Variants in RFX2 observed in about 807,000 individuals in gnomAD.
RFX2 encodes regulatory factor X2.
A neutral mutation model predicts 87.8 loss-of-function variants in RFX2; 20 were observed. The ratio of observed to expected loss-of-function variants is 0.23; its 90% CI spans 0.16 to 0.33. The LOEUF (loss-of-function observed/expected upper bound fraction) is 0.33. RFX2 is among the 10% of genes least tolerant of loss of function. RFX2 has a pLI of 1.00. For synonymous variants in RFX2, 397 were observed against 431.3 expected, an observed-to-expected ratio of 0.92 and a Z score of 0.98; for missense variants, 767 against 1,012.3, an observed-to-expected ratio of 0.76 and a Z score of 3.29.
Position 5,997,435 on chromosome 19 carries a change from G to A in RFX2, c.1860-222C>T. 2.0e-6 allele frequency: 1 copy of A among 507,444 alleles called. No homozygotes were observed. The highest frequency in any genetic ancestry group is 3.2e-5 in the East Asian group (1 of 30,914). The allele number at this position is 507,444 out of a possible 1,614,324, so 31.4% of individuals were successfully genotyped here. On this transcript the variant is annotated intron_variant, in intron 15 of 17. Coordinates refer to ENST00000303657, the MANE Select transcript of RFX2 (RefSeq NM_000635.4). The surrounding 1 kb of genome is among the most constrained non-coding windows in gnomAD (Gnocchi z 4.2). ...GGGCCGGCCTGCGCGCTCAGTTCCA[G>A]AGACCACCTGGGGAACAGGAGAGGG... is the stretch of plus-strand genomic sequence containing the variant.
chr19:5,995,092 T>C, intron 17 of RFX2, 142 bp from the exon 18 acceptor site: 1 of 677,920 alleles, frequency 1.5e-6, no homozygotes. Context: ...CACCTCGGCC[T>C]CTGCTCCAGG....
At chr19:6,062,688 T>C (rs937098488) in intron 1 of RFX2, among the ~76,000 whole-genome samples, 1 of 152,234 alleles carries the variant, frequency 6.6e-6, no homozygotes, top group Non-Finnish European at 1.5e-5. Context: ...CATGAACTGA[T>C]ACAGTCCCCG....
chr19:6,040,213 G>C lies in RFX2; in HGVS notation c.289C>G (p.Pro97Ala). The C allele has an allele frequency of 1.3e-6, 2 of 1,582,654 alleles. No individual in the cohort carries two copies. The highest frequency in any genetic ancestry group is 8.6e-7 in the Non-Finnish European group (1 of 1,157,230). The stretch of plus-strand genomic sequence containing the variant: ...GTGCTGCTGGGGGCGTACATCTGAG[G>C]CTCGGGGTTGTAGGTGTAGGCTGTT... ...IRTAYTYNPE[P>A]QMYAPSSTAS... The change falls in exon 5 of 18, where the codon CCT becomes GCT. Residue 97 changes from proline (P) to alanine (A), a missense_variant. Physicochemically the swap from Pro to Ala is conservative, Grantham distance 27 (BLOSUM62 -1). This residue lies in a region of RFX2 where 146 missense variants were observed against 139.2 expected (regional missense o/e 1.05). Coordinates refer to ENST00000303657, the MANE Select transcript of RFX2 (RefSeq NM_000635.4). The surrounding 1 kb of genome is among the most constrained non-coding windows in gnomAD (Gnocchi z 6.1).
chr19:6,070,953 A>G (rs1178761202), intron 1 of RFX2, among the ~76,000 whole-genome samples: 1 of 152,178 alleles, frequency 6.6e-6, no homozygotes, highest in Non-Finnish European at 1.5e-5. Flanking sequence ...CTTGGCCTCA[A>G]GCAGTCTTCC....
At position 6,024,002 on chromosome 19, in the gene RFX2, A is replaced by G. The variant is rs957663769; in HGVS notation, c.597+2161T>C. ...GTCATGTTGGTCAGGCTGGTCTGGA[A>G]CTCCTGACCTCAAGTGGTACACCCG... On this transcript the variant is annotated intron_variant, in intron 6 of 17. Transcript: ENST00000303657. This position sits in a 1 kb window ranked among gnomAD's most constrained non-coding sequence, Gnocchi z 5.0. Among the ~76,000 whole-genome samples the G allele has an allele frequency of 6.6e-6, 1 of 151,894 alleles. No homozygotes were observed. The highest frequency in any genetic ancestry group is 1.5e-5 in the Non-Finnish European group (1 of 67,964).
At position 6,013,116 on chromosome 19, in the gene RFX2, A is replaced by G; in HGVS notation, c.780-11T>C. 6.3e-7 allele frequency: 1 copy of G among 1,584,988 alleles called. No homozygotes were observed. Among genetic ancestry groups the G allele is most frequent in the Non-Finnish European group, 8.6e-7 (1 of 1,166,552 alleles). On this transcript the variant is annotated splice_polypyrimidine_tract_variant and intron_variant, in intron 7 of 17. Coordinates refer to ENST00000303657, the MANE Select transcript of RFX2 (RefSeq NM_000635.4). The surrounding 1 kb of genome is among the most constrained non-coding windows in gnomAD (Gnocchi z 4.1). ...TACTTCGAGTTGCCCCTGGAAACCAAACATCCCAGGGTCAGCTCCCTTTGC... is the reference window on the plus strand; with the variant it reads ...TACTTCGAGTTGCCCCTGGAAACCAGACATCCCAGGGTCAGCTCCCTTTGC...
chr19:6,034,020 C>A (rs2086986930), intron 5 of RFX2, among the ~76,000 whole-genome samples: 1 of 152,150 alleles, frequency 6.6e-6, no homozygotes, highest in African/African-American at 2.4e-5. Flanking sequence ...CTCTGCTATG[C>A]AGGGGCTGAG....
intron 5 of RFX2, among the ~76,000 whole-genome samples, chr19:6,036,602 C>A (rs1355747062): frequency 6.6e-6 from 1 of 152,164 alleles, no homozygotes; most frequent in African/African-American, 2.4e-5. Flanking sequence ...TCAATCAATG[C>A]AATTCATTAT....
chr19:6,088,673 T>C (rs185105093), intron 1 of RFX2, among the ~76,000 whole-genome samples: 1 of 152,344 alleles, frequency 6.6e-6, no homozygotes, highest in East Asian at 1.9e-4. Flanking sequence ...AAAAATATGT[T>C]AAACACCATT....
At chr19:6,081,337 C>T (rs2087781550) in intron 1 of RFX2, among the ~76,000 whole-genome samples, 1 of 152,148 alleles carries the variant, frequency 6.6e-6, no homozygotes, top group African/African-American at 2.4e-5. Context: ...CTATTTTAAA[C>T]AAATAAAAAG....
chr19:6,087,140 G>A (rs1383370928), intron 1 of RFX2, among the ~76,000 whole-genome samples: 1 of 152,160 alleles, frequency 6.6e-6, no homozygotes, highest in African/African-American at 2.4e-5. Flanking sequence ...ACTGAGCACA[G>A]GCAGATGGTC....
intron 1 of RFX2, among the ~76,000 whole-genome samples, chr19:6,091,281 C>T (rs538282366): frequency 1.3e-5 from 2 of 152,056 alleles, no homozygotes; most frequent in East Asian, 1.9e-4. Flanking sequence ...GCTTGAATCC[C>T]GGAGTTTGAG....
At chr19:6,029,980 T>G (rs755270681) in intron 5 of RFX2, among the ~76,000 whole-genome samples, 1 of 152,184 alleles carries the variant, frequency 6.6e-6, no homozygotes, top group Non-Finnish European at 1.5e-5. Flanking sequence ...GAGCTGAGCC[T>G]AAGAAACTTG....
chr19:6,036,041 G>C (rs962283316), intron 5 of RFX2, among the ~76,000 whole-genome samples: 1 of 152,196 alleles, frequency 6.6e-6, no homozygotes, highest in Non-Finnish European at 1.5e-5. Context: ...CAGAGAACAT[G>C]ATTGTTTCTC....
intron 1 of RFX2, among the ~76,000 whole-genome samples, chr19:6,094,964 T>TA (rs2088000174): frequency 6.6e-6 from 1 of 152,008 alleles, no homozygotes; most frequent in Non-Finnish European, 1.5e-5. Context: ...CCGTCTCTAC[T>TA]AAAAATACAA....
chr19:6,016,358 G>C lies in RFX2; in HGVS notation c.598-87C>G. On this transcript the variant is annotated intron_variant, in intron 6 of 17. Coordinates refer to ENST00000303657, the MANE Select transcript of RFX2 (RefSeq NM_000635.4). The surrounding 1 kb of genome is among the most constrained non-coding windows in gnomAD (Gnocchi z 5.4). Reference sequence around the variant, plus strand: ...TGGACTCATTAAGAGAATTACTTGCGTTCCCTGTGTTACCAAATGGGATGA... The same window carrying C: ...TGGACTCATTAAGAGAATTACTTGCCTTCCCTGTGTTACCAAATGGGATGA... 2 of 871,038 alleles carry C rather than the reference G, an allele frequency of 2.3e-6. No homozygotes were observed. The highest frequency in any genetic ancestry group is 3.4e-6 in the Non-Finnish European group (2 of 586,828). 54.0% of individuals were successfully genotyped at this position (871,038 alleles called of 1,614,324 possible).
chr19:6,075,001 C>T (rs1353127413), intron 1 of RFX2, among the ~76,000 whole-genome samples: 1 of 152,078 alleles, frequency 6.6e-6, no homozygotes, highest in African/African-American at 2.4e-5. Flanking sequence ...ATCATGCCCT[C>T]CCTTATGGAA....
chr19:5,995,929 C>T (rs1010505943), intron 16 of RFX2, among the ~76,000 whole-genome samples: 12 of 152,180 alleles, frequency 7.9e-5, no homozygotes, highest in African/African-American at 2.2e-4. Flanking sequence ...GCGGCTGCTC[C>T]GGGTTTTAAG....
chr19:6,097,141 G>A (rs1246721969), intron 1 of RFX2, among the ~76,000 whole-genome samples: 3 of 152,220 alleles, frequency 2.0e-5, no homozygotes, highest in Non-Finnish European at 4.4e-5. Flanking sequence ...GTGGGGAGAG[G>A]ATGAGATGAC....
Sources: gnomAD v4.1 joint callset for allele counts (sites outside exome capture counted in the v4.1 genomes callset) on GRCh38, gnomAD v4.1.1 for gene constraint, gnomAD v4.1.1 regional missense constraint, Gnocchi (gnomAD v3.1) non-coding constraint, MANE v1.5 for transcripts, NCBI Gene and HGNC (gene_info 2026-07-23, HGNC 2026-07-21) for gene names.